The following LRRC15 variants were observed in gnomAD, a reference collection of about 807,000 sequenced individuals.
LRRC15 encodes leucine-rich repeat-containing protein 15.
In LRRC15, 5 loss-of-function variants were observed where a neutral mutation model predicts 4.3. The observed-to-expected ratio is 1.16, with a 90% CI of 0.61 to 2.44. LRRC15 has a LOEUF of 2.44. Among genes scored for constraint, LRRC15 ranks in the 30% most tolerant of loss-of-function variants. The probability of loss-of-function intolerance (pLI) is 0.01; values close to 1 mark genes in which losing one functional copy is unlikely to be tolerated. For synonymous variants in LRRC15, 337 were observed against 323.2 expected, an observed-to-expected ratio of 1.04 and a Z score of -0.46; for missense variants, 769 against 747.0, an observed-to-expected ratio of 1.03 and a Z score of -0.34.
At chr3:194,365,758 TCATGCC>T (rs1560047848) in intron 1 of LRRC15, among the ~76,000 whole-genome samples, 1 of 152,140 alleles carries the variant, frequency 6.6e-6, no homozygotes, top group Non-Finnish European at 1.5e-5. Flanking sequence ...CCTGAGGAAC[TCATGCC>T]CATCTTTTCA....
chr3:194,364,574 G>C (rs2898620), intron 1 of LRRC15, among the ~76,000 whole-genome samples: 41,982 of 152,014 alleles, frequency 0.28, 6,361 homozygotes, highest in African/African-American at 0.38. Flanking sequence ...TGGCTTTCTA[G>C]GAGTCTGCAC....
chr3:194,360,753 G>T lies in LRRC15; in HGVS notation c.291C>A (p.Phe97Leu). 1 of 1,614,226 alleles carries T rather than the reference G, an allele frequency of 6.2e-7. No homozygotes were observed. Among genetic ancestry groups the T allele is most frequent in the Non-Finnish European group, 8.5e-7 (1 of 1,180,040 alleles). ...GATAGCGCAGCGAGCCCAGGTTTCG[G>T]AAGGCCCCAGGCGTGATGCGCGACA... ...NELSRITPGA[F>L]RNLGSLRYLS... The change falls in exon 2 of 2, where the codon TTC becomes TTA. Residue 97 changes from phenylalanine (F) to leucine (L), a missense_variant. Coordinates refer to ENST00000347624, the MANE Select transcript of LRRC15 (RefSeq NM_130830.5).
At position 194,359,516 on chromosome 3, in the gene LRRC15, T is replaced by C; in HGVS notation, c.1528A>G (p.Ser510Gly). ...AGATCAGTGTAGTCTTCCACAGGGC[T>C]GGTTAGCTCAGTGGTAGAAGAGACG... is the stretch of plus-strand genomic sequence containing the variant. ...TSVSSTTELT[S>G]PVEDYTDLTT... Residue 510 changes from serine to glycine, a missense_variant, in exon 2 of 2, where the codon AGC becomes GGC. Ser to Gly is a moderately conservative substitution (Grantham distance 56). Transcript: ENST00000347624. 1 of 1,614,206 alleles carries C rather than the reference T, an allele frequency of 6.2e-7. No individual in the cohort carries two copies. Among genetic ancestry groups the C allele is most frequent in the East Asian group, 2.2e-5 (1 of 44,892 alleles).
chr3:194,369,028 C>T (rs1022167989), intron 1 of LRRC15, among the ~76,000 whole-genome samples: 1 of 152,230 alleles, frequency 6.6e-6, no homozygotes, highest in Non-Finnish European at 1.5e-5. Flanking sequence ...ACTGTTAGAG[C>T]CTGAACAATG....
rs945646244 is a variant in LRRC15, at chr3:194,357,208, C to G, written c.*2090G>C. On this transcript the variant is annotated 3_prime_UTR_variant, in exon 2 of 2. Coordinates refer to ENST00000347624, the MANE Select transcript of LRRC15 (RefSeq NM_130830.5). Reference sequence around the variant, plus strand: ...ACTGGTCAGCACGTGCTCCTGTGGCCCTGGAGGATGTCACAGGTGTCTTGT... The same window carrying G: ...ACTGGTCAGCACGTGCTCCTGTGGCGCTGGAGGATGTCACAGGTGTCTTGT... The G allele has an allele frequency of 6.6e-5, 10 of 151,912 alleles. No individual in the cohort carries two copies. The highest frequency in any genetic ancestry group is 2.4e-4 in the African/African-American group (10 of 41,170). 9.4% of individuals were successfully genotyped at this position (151,912 alleles called of 1,614,324 possible). A position where few individuals can be genotyped will look rare whatever the true frequency, so the allele number is the denominator to read the frequency against.
intron 1 of LRRC15, among the ~76,000 whole-genome samples, chr3:194,368,422 G>A (rs751682697): frequency 2.6e-5 from 4 of 152,026 alleles, no homozygotes; most frequent in Non-Finnish European, 5.9e-5. Flanking sequence ...CCCTGGCCCC[G>A]AACCCTCTCA....
chr3:194,366,856 G>A (rs971169020), intron 1 of LRRC15, among the ~76,000 whole-genome samples: 1 of 152,156 alleles, frequency 6.6e-6, no homozygotes, highest in Non-Finnish European at 1.5e-5. Flanking sequence ...CTTGCCCAAG[G>A]TCACACAGTC....
intron 1 of LRRC15, among the ~76,000 whole-genome samples, chr3:194,362,126 C>CTGTGTGTGTGTGTGTGTGTGTG (rs151091397): frequency 6.6e-6 from 1 of 151,468 alleles, no homozygotes; most frequent in Admixed American, 6.6e-5. Context: ...ACATATATAA[C>CTGTGTGTGTGTGTGTGTGTGTG]TGTGTGTGTG....
chr3:194,367,288 G>A (rs576156333), intron 1 of LRRC15, among the ~76,000 whole-genome samples: 43 of 152,100 alleles, frequency 2.8e-4, no homozygotes, highest in African/African-American at 1.0e-3. Context: ...GGGGTGTGTG[G>A]ATCTTTATTT....
rs1713521892 is a variant in LRRC15 at position 194,359,219 on chromosome 3, C to G, written c.*79G>C. 7.4e-7 allele frequency: 1 copy of G among 1,359,996 alleles called. No individual in the cohort carries two copies. Among genetic ancestry groups the G allele is most frequent in the African/African-American group, 1.5e-5 (1 of 68,714 alleles). 84.2% of individuals were successfully genotyped at this position (1,359,996 alleles called of 1,614,324 possible). A position where few individuals can be genotyped will look rare whatever the true frequency, so the allele number is the denominator to read the frequency against. The stretch of plus-strand genomic sequence containing the variant: ...AGCAATCACGGGAAAGCTCCATGGA[C>G]CCAGGGGTGGAGGCAGAAAGATGAA... On this transcript the variant is annotated 3_prime_UTR_variant, in exon 2 of 2. Coordinates refer to ENST00000347624, the MANE Select transcript of LRRC15 (RefSeq NM_130830.5).
rs757723301 is a variant in LRRC15 at position 194,359,409 on chromosome 3, TACA to T, written c.1632_1634del (p.Val545del). 1 of 1,614,052 alleles carries T rather than the reference TACA, an allele frequency of 6.2e-7. No individual in the cohort carries two copies. The highest frequency in any genetic ancestry group is 1.1e-5 in the South Asian group (1 of 91,084). The stretch of plus-strand genomic sequence containing the variant: ...AGCAGGCCAGGGCGACAATGCCAAT[TACA>T]ATGGCGGCAATGGCCAGCCCGCTCT... On this transcript the variant is annotated inframe_deletion, in exon 2 of 2. Transcript: ENST00000347624.
chr3:194,359,231 G>T lies in LRRC15; in HGVS notation c.*67C>A. 1 of 1,426,636 alleles carries T rather than the reference G, an allele frequency of 7.0e-7. No individual in the cohort carries two copies. Among genetic ancestry groups the T allele is most frequent in the Non-Finnish European group, 9.5e-7 (1 of 1,055,964 alleles). The allele number at this position is 1,426,636 out of a possible 1,614,324, so 88.4% of individuals were successfully genotyped here. ...AAAGCTCCATGGACCCAGGGGTGGA[G>T]GCAGAAAGATGAAATTCCCAGGTCC... On this transcript the variant is annotated 3_prime_UTR_variant, in exon 2 of 2. Coordinates refer to ENST00000347624, the MANE Select transcript of LRRC15 (RefSeq NM_130830.5).
chr3:194,360,874 C>A lies in LRRC15; in HGVS notation c.170G>T (p.Ser57Ile). The change falls in exon 2 of 2, where the codon AGC becomes ATC. Residue 57 changes from serine (S) to isoleucine (I), a missense_variant. Ser to Ile is a moderately radical substitution (Grantham distance 142, BLOSUM62 -2). Coordinates refer to ENST00000347624, the MANE Select transcript of LRRC15 (RefSeq NM_130830.5). ...VPTPLPWNAM[S>I]LQILNTHITE... ...GATGTGCGTGTTGAGGATCTGCAGG[C>A]TCATGGCGTTCCAGGGCAGAGGGGT... The A allele has an allele frequency of 6.2e-7, 1 of 1,608,746 alleles. No homozygotes were observed. The highest frequency in any genetic ancestry group is 8.5e-7 in the Non-Finnish European group (1 of 1,176,732).
chr3:194,360,058 A>T lies in LRRC15; in HGVS notation c.986T>A (p.Ile329Asn). ...GAAGGCACCCGGGGAGATGAAGCTG[A>T]TCTGATTGCGGCTAAGAATCAGGAC... is the stretch of plus-strand genomic sequence containing the variant. ...LQVLILSRNQ[I>N]SFISPGAFNG... The change falls in exon 2 of 2, where the codon ATC becomes AAC. Residue 329 changes from isoleucine (I) to asparagine (N), a missense_variant. Ile to Asn is a moderately radical substitution (Grantham distance 149). Transcript: ENST00000347624. The T allele has an allele frequency of 6.2e-7, 1 of 1,614,226 alleles. No individual in the cohort carries two copies. The highest frequency in any genetic ancestry group is 8.5e-7 in the Non-Finnish European group (1 of 1,180,044).
Position 194,360,279 on chromosome 3 carries a change from G to T in LRRC15, c.765C>A (p.Asn255Lys), listed in dbSNP as rs531692498. Reference protein sequence around the residue: ...HNLQRLYLSNNHISQLPPSVF... With the variant: ...HNLQRLYLSNKHISQLPPSVF... ...CGCTGGGTGGCAGCTGGGAGATGTGGTTGTTGGACAGGTAGAGTCTCTGGA... is the reference window on the plus strand; with the variant it reads ...CGCTGGGTGGCAGCTGGGAGATGTGTTTGTTGGACAGGTAGAGTCTCTGGA... The change falls in exon 2 of 2, where the codon AAC becomes AAA. Residue 255 changes from asparagine (N) to lysine (K), a missense_variant. By Grantham distance (94) the Asn-to-Lys change is moderately conservative. Transcript: ENST00000347624. 5.0e-6 allele frequency: 8 copies of T among 1,614,146 alleles called. No individual in the cohort carries two copies. Among genetic ancestry groups the T allele is most frequent in the Non-Finnish European group, 6.8e-6 (8 of 1,179,988 alleles).
At position 194,366,869 on chromosome 3, in the gene LRRC15, T is replaced by C. The variant is rs926899011; in HGVS notation, c.-4+2792A>G. The stretch of plus-strand genomic sequence containing the variant: ...GACTTGCCCAAGGTCACACAGTCCG[T>C]TGGGGACTCCTGACACCCGATCAGG... On this transcript the variant is annotated intron_variant, in intron 1 of 1. Coordinates refer to ENST00000347624, the MANE Select transcript of LRRC15 (RefSeq NM_130830.5). Among the ~76,000 whole-genome samples, 7 of 152,250 alleles carry C rather than the reference T, an allele frequency of 4.6e-5. No homozygotes were observed. The East Asian group carries it at 7.7e-4, about 17-fold the overall frequency.
At chr3:194,363,436 T>A in intron 1 of LRRC15, 1 of 679,384 alleles carries the variant, frequency 1.5e-6, no homozygotes, top group East Asian at 2.7e-5. Context: ...AAAACTTATA[T>A]AGACAAATGT....
chr3:194,367,716 C>A (rs1179833730), intron 1 of LRRC15, among the ~76,000 whole-genome samples: 1 of 152,230 alleles, frequency 6.6e-6, no homozygotes, highest in African/African-American at 2.4e-5. Context: ...GAATACTCCA[C>A]CCCAAACAGA....
rs1271631140 is a variant in LRRC15 at position 194,360,190 on chromosome 3, G to A, written c.854C>T (p.Ser285Phe). 1.2e-6 allele frequency: 2 copies of A among 1,613,892 alleles called. No individual in the cohort carries two copies. The highest frequency in any genetic ancestry group is 1.7e-5 in the Admixed American group (1 of 60,012). The change falls in exon 2 of 2, where the codon TCT becomes TTT. Residue 285 changes from serine (S) to phenylalanine (F), a missense_variant. Ser to Phe is a radical substitution (Grantham distance 155, BLOSUM62 -2). Coordinates refer to ENST00000347624, the MANE Select transcript of LRRC15 (RefSeq NM_130830.5). ...GGGCATGGGCCCGAAGATCCCCGGA[G>A]AGAGCTCCTTCAGGGAATTCCCAAA... ...TLFGNSLKEL[S>F]PGIFGPMPNL...
Sources: allele counts gnomAD v4.1 joint callset (sites outside exome capture counted in the v4.1 genomes callset), GRCh38; gene constraint gnomAD v4.1.1; transcripts MANE v1.5; gene names NCBI Gene and HGNC (gene_info 2026-07-23, HGNC 2026-07-21).